Variants in TMPRSS15 observed in about 807,000 individuals in gnomAD.
The protein encoded by TMPRSS15 is transmembrane serine protease 15, also known as enteropeptidase.
Under a neutral mutation model 125.3 loss-of-function variants are expected in TMPRSS15, and 128 were observed. That is an observed-to-expected ratio of 1.02 (90% confidence interval 0.89 to 1.18). The LOEUF (loss-of-function observed/expected upper bound fraction) is 1.18, where lower values mean the gene tolerates loss of function less well. Ranked by LOEUF, TMPRSS15 falls within the 50% of genes most tolerant of loss-of-function variation. The probability of loss-of-function intolerance (pLI) is 0.00; values close to 1 mark genes in which losing one functional copy is unlikely to be tolerated. For missense variants in TMPRSS15, 1,283 were observed against 1,212.7 expected (o/e 1.06, Z -0.86); for synonymous variants, 446 against 423.2 (o/e 1.05, Z -0.66).
chr21:18,321,669 C>T (rs982979598), intron 16 of TMPRSS15, among the ~76,000 whole-genome samples: 2 of 152,066 alleles, frequency 1.3e-5, no homozygotes, highest in African/African-American at 4.8e-5. Flanking sequence ...ATTTTTGTTG[C>T]CCATTTATAA....
chr21:18,295,380 T>C lies in TMPRSS15; in HGVS notation c.2262-728A>G, dbSNP rs1048750697. Reference sequence around the variant, plus strand: ...TAGAGATCAGTATAACACAAGAAATTAGAGTACTTGCTCCCACTATTTCCA... The same window carrying C: ...TAGAGATCAGTATAACACAAGAAATCAGAGTACTTGCTCCCACTATTTCCA... On this transcript the variant is annotated intron_variant, in intron 19 of 24. Coordinates refer to ENST00000284885, the MANE Select transcript of TMPRSS15 (RefSeq NM_002772.3). 2.0e-5 allele frequency among the ~76,000 whole-genome samples: 3 copies of C among 152,332 alleles called. 1 individual carries two copies. The highest frequency in any genetic ancestry group is 6.5e-5 in the Admixed American group (1 of 15,298).
chr21:18,321,679 A>T (rs2824739), intron 16 of TMPRSS15, among the ~76,000 whole-genome samples: 3 of 151,936 alleles, frequency 2.0e-5, no homozygotes. Flanking sequence ...CCCATTTATA[A>T]TTTTTTCTAA....
chr21:18,461,402 T>C (rs938112279), intron 1 of TMPRSS15, among the ~76,000 whole-genome samples: 5 of 152,158 alleles, frequency 3.3e-5, no homozygotes, highest in African/African-American at 1.2e-4. Context: ...ACTCATTGTC[T>C]CAGTGATTGG....
intron 16 of TMPRSS15, among the ~76,000 whole-genome samples, chr21:18,318,463 TG>T (rs1255688987): frequency 6.6e-6 from 1 of 152,082 alleles, no homozygotes; most frequent in Non-Finnish European, 1.5e-5. Context: ...ATTGGAACGA[TG>T]GGAAGATGGG....
At chr21:18,398,839 A>G (rs2076067094) in intron 1 of TMPRSS15, among the ~76,000 whole-genome samples, 1 of 152,142 alleles carries the variant, frequency 6.6e-6, no homozygotes, top group South Asian at 2.1e-4. Flanking sequence ...CTTTGAGGCT[A>G]CTTCTTTCAT....
rs371944765 is a variant in TMPRSS15, at chr21:18,344,048, G to C, written c.1184C>G (p.Ser395Cys). The stretch of plus-strand genomic sequence containing the variant: ...TCTCCCTCCTGGTCCAGTTGGGGTA[G>C]AAATGTAAAATCCTGTAAAAATATC... ...TFGNASGFYISTPTGPGGRQE... is the reference protein window; with the variant it reads ...TFGNASGFYICTPTGPGGRQE... The change falls in exon 11 of 25, where the codon TCT becomes TGT. Residue 395 changes from serine to cysteine, a missense_variant. Coordinates refer to ENST00000284885, the MANE Select transcript of TMPRSS15 (RefSeq NM_002772.3). 31 of 1,613,378 alleles carry C rather than the reference G, an allele frequency of 1.9e-5. No individual in the cohort carries two copies. Among genetic ancestry groups the C allele is most frequent in the Non-Finnish European group, 3.4e-6 (4 of 1,179,810 alleles).
chr21:18,440,377 A>AAAAAAAAAAAAG (rs1258031258), intron 1 of TMPRSS15, among the ~76,000 whole-genome samples: 5 of 135,648 alleles, frequency 3.7e-5, no homozygotes, highest in Non-Finnish European at 8.0e-5. Context: ...CGTCTCAAAA[A>AAAAAAAAAAAAG]AAAAAAAAAA....
intron 1 of TMPRSS15, among the ~76,000 whole-genome samples, chr21:18,449,400 C>G (rs1423760457): frequency 6.6e-6 from 1 of 152,204 alleles, no homozygotes; most frequent in South Asian, 2.1e-4. Flanking sequence ...TTCAGAACCA[C>G]TAGTGTGTGT....
chr21:18,308,404 CATTT>C (rs1443883978), intron 18 of TMPRSS15, among the ~76,000 whole-genome samples: 1 of 151,490 alleles, frequency 6.6e-6, no homozygotes, highest in African/African-American at 2.4e-5. Context: ...CACACACACA[CATTT>C]AAAGTACAGG....
intron 1 of TMPRSS15, among the ~76,000 whole-genome samples, chr21:18,412,448 G>A (rs948947341): frequency 3.9e-5 from 6 of 152,126 alleles, no homozygotes; most frequent in Admixed American, 6.5e-5. Flanking sequence ...GGAGATCACC[G>A]AATTAAAGAA....
chr21:18,354,275 A>C (rs2075602410), intron 8 of TMPRSS15, among the ~76,000 whole-genome samples: 1 of 151,786 alleles, frequency 6.6e-6, no homozygotes, highest in South Asian at 2.1e-4. Context: ...ATCTGGGTAA[A>C]ATAACAGAAA....
intron 5 of TMPRSS15, among the ~76,000 whole-genome samples, chr21:18,378,864 T>G (rs1359351197): frequency 6.6e-6 from 1 of 152,104 alleles, no homozygotes; most frequent in African/African-American, 2.4e-5. Context: ...CCAAGGCTAC[T>G]TTGGTTCTGC....
intron 1 of TMPRSS15, among the ~76,000 whole-genome samples, chr21:18,422,603 T>C (rs1569065714): frequency 6.6e-6 from 1 of 152,212 alleles, no homozygotes; most frequent in Non-Finnish European, 1.5e-5. Context: ...TAAACAGTAG[T>C]AGCGTGGCAG....
Position 18,358,998 on chromosome 21 carries a change from G to C in TMPRSS15, c.880+759C>G, listed in dbSNP as rs73323978. ...CCAACCTTATCTTAGCTCTAGAACA[G>C]TTAACTATTTCTCCAACATGCGAGG... On this transcript the variant is annotated intron_variant, in intron 8 of 24. Coordinates refer to ENST00000284885, the MANE Select transcript of TMPRSS15 (RefSeq NM_002772.3). 6.6e-3 allele frequency among the ~76,000 whole-genome samples: 1,008 copies of C among 152,030 alleles called. 14 individuals are homozygous for C. Among genetic ancestry groups the C allele is most frequent in the African/African-American group, 0.023 (946 of 41,498 alleles).
chr21:18,388,743 A>G (rs1569050228), intron 3 of TMPRSS15, among the ~76,000 whole-genome samples: 1 of 152,238 alleles, frequency 6.6e-6, no homozygotes, highest in African/African-American at 2.4e-5. Flanking sequence ...CACAACGTAG[A>G]CAAATAGCTT....
At position 18,413,317 on chromosome 21, in the gene TMPRSS15, TTCC is replaced by T. The variant is rs1569064054; in HGVS notation, c.11-14991_11-14989del. Among the ~76,000 whole-genome samples, 406 of 95,238 alleles carry T rather than the reference TTCC, an allele frequency of 4.3e-3. 10 individuals are homozygous for T. The highest frequency in any genetic ancestry group is 0.016 in the East Asian group (67 of 4,156). 62.5% of individuals were successfully genotyped at this position (95,238 alleles called of 152,430 possible). A position where few individuals can be genotyped will look rare whatever the true frequency, so the allele number is the denominator to read the frequency against. ...CTTTTCTTTCTTTTCTTTCTTTTCC[TTCC>T]TTCCTTCCTTCCTTCCTTCCTTCCT... On this transcript the variant is annotated intron_variant, in intron 1 of 7. Coordinates refer to the TMPRSS15 transcript ENST00000422787.
intron 3 of TMPRSS15, among the ~76,000 whole-genome samples, chr21:18,392,840 G>T (rs1026625530): frequency 1.3e-5 from 2 of 152,168 alleles, no homozygotes; most frequent in African/African-American, 4.8e-5. Flanking sequence ...GAAAGAGAGA[G>T]AGTGGGGGAA....
chr21:18,462,476 C>T (rs2122953221), intron 1 of TMPRSS15, among the ~76,000 whole-genome samples: 11 of 151,676 alleles, frequency 7.3e-5, no homozygotes, highest in Admixed American at 3.3e-4. Context: ...CACTATTAGA[C>T]ATAATCAAGC....
At chr21:18,420,848 C>G (rs942923631) in intron 1 of TMPRSS15, among the ~76,000 whole-genome samples, 1 of 152,108 alleles carries the variant, frequency 6.6e-6, no homozygotes, top group Admixed American at 6.5e-5. Context: ...AGGCTTTCTC[C>G]GTTCAACCCC....
Sources: gnomAD v4.1 joint callset for allele counts (sites outside exome capture counted in the v4.1 genomes callset) on GRCh38, gnomAD v4.1.1 for gene constraint, MANE v1.5 for transcripts, NCBI Gene and HGNC (gene_info 2026-07-23, HGNC 2026-07-21) for gene names.